The following R3HDM1 variants were observed in gnomAD, a reference collection of about 807,000 sequenced individuals.
The protein encoded by R3HDM1 is R3H domain-containing protein 1.
A neutral mutation model predicts 141.1 loss-of-function variants in R3HDM1; 46 were observed. The observed-to-expected ratio is 0.33, with a 90% CI of 0.26 to 0.42. R3HDM1 has a LOEUF of 0.42. Ranked by LOEUF, R3HDM1 falls within the 10% of genes least tolerant of loss-of-function variation. The probability of loss-of-function intolerance (pLI) is 1.00; values close to 1 mark genes in which losing one functional copy is unlikely to be tolerated. For synonymous variants in R3HDM1, 435 were observed against 472.9 expected, an observed-to-expected ratio of 0.92 and a Z score of 1.04; for missense variants, 1,184 against 1,368.3, an observed-to-expected ratio of 0.87 and a Z score of 2.12.
intron 2 of R3HDM1, among the ~76,000 whole-genome samples, chr2:135,603,190 A>G (rs961765449): frequency 1.1e-4 from 17 of 152,110 alleles, no homozygotes; most frequent in Non-Finnish European, 1.8e-4. Flanking sequence ...GGGTTTCGCC[A>G]TGTTGGCCAA....
At chr2:135,586,020 G>T (rs1212337276) in intron 1 of R3HDM1, among the ~76,000 whole-genome samples, 1 of 152,122 alleles carries the variant, frequency 6.6e-6, no homozygotes, top group Non-Finnish European at 1.5e-5. Flanking sequence ...ATTTAAAAAT[G>T]ATATATTAAC....
At position 135,638,943 on chromosome 2, in the gene R3HDM1, G is replaced by A. The variant is rs2063522411; in HGVS notation, c.1040G>A (p.Ser347Asn). 1.9e-6 allele frequency: 3 copies of A among 1,613,980 alleles called. No individual in the cohort carries two copies. Among genetic ancestry groups the A allele is most frequent in the African/African-American group, 2.7e-5 (2 of 74,896 alleles). ...AGATCTACAAATAGCCATCAAAGCA[G>A]CACTGAGAATGAGTTGAAGTACTCG... Reference protein sequence around the residue: ...SGRSTNSHQSSTENELKYSEP... With the variant: ...SGRSTNSHQSNTENELKYSEP... The change falls in exon 14 of 27, where the codon AGC becomes AAC. Residue 347 changes from serine to asparagine, a missense_variant. By Grantham distance (46) the Ser-to-Asn change is conservative (BLOSUM62 1). This residue lies in a region of R3HDM1 where 240 missense variants were observed against 312.3 expected (regional missense o/e 0.77). Coordinates refer to ENST00000683871, the MANE Select transcript of R3HDM1 (RefSeq NM_001378107.1).
At chr2:135,703,286 C>A (rs1362893061) in intron 21 of R3HDM1, among the ~76,000 whole-genome samples, 1 of 152,154 alleles carries the variant, frequency 6.6e-6, no homozygotes, top group East Asian at 1.9e-4. Flanking sequence ...GGGAAATAAT[C>A]CTCTTTGGGC....
chr2:135,570,100 C>G (rs1703773060), intron 1 of R3HDM1, among the ~76,000 whole-genome samples: 1 of 152,186 alleles, frequency 6.6e-6, no homozygotes, highest in Non-Finnish European at 1.5e-5. Context: ...TCGATTTCCT[C>G]AGCTGATGAT....
chr2:135,545,121 A>C (rs1235095683), intron 1 of R3HDM1, among the ~76,000 whole-genome samples: 2 of 152,218 alleles, frequency 1.3e-5, no homozygotes, highest in Non-Finnish European at 2.9e-5. Flanking sequence ...GTATTATTCC[A>C]ATGGTAATTT....
intron 21 of R3HDM1, among the ~76,000 whole-genome samples, chr2:135,693,454 G>A (rs2072753316): frequency 6.6e-6 from 1 of 152,142 alleles, no homozygotes; most frequent in Non-Finnish European, 1.5e-5. Flanking sequence ...AGATTTCAAA[G>A]ATTAATAGTC....
chr2:135,691,925 T>TA (rs1035723500), intron 21 of R3HDM1, among the ~76,000 whole-genome samples: 16 of 152,234 alleles, frequency 1.1e-4, no homozygotes, highest in Middle Eastern at 3.4e-3. Flanking sequence ...CTTTTTTTTT[T>TA]ATTTTGAGAT....
intron 24 of R3HDM1, among the ~76,000 whole-genome samples, chr2:135,718,013 A>G (rs1276930688): frequency 6.6e-6 from 1 of 152,234 alleles, no homozygotes; most frequent in Non-Finnish European, 1.5e-5. Context: ...ATAAAAGTGA[A>G]CAAAGCAAGC....
chr2:135,715,223 C>T (rs964597292), intron 23 of R3HDM1, among the ~76,000 whole-genome samples: 24 of 152,062 alleles, frequency 1.6e-4, no homozygotes, highest in African/African-American at 5.6e-4. Flanking sequence ...GTGGCGGGTG[C>T]CTGTAGTCCC....
At chr2:135,649,564 G>C (rs2064908406) in intron 16 of R3HDM1, among the ~76,000 whole-genome samples, 1 of 152,058 alleles carries the variant, frequency 6.6e-6, no homozygotes, top group South Asian at 2.1e-4. Context: ...AAGTAGTTTT[G>C]CTTTTACTGA....
Position 135,607,350 on chromosome 2 carries a change from A to AT in R3HDM1, c.171+2336dup, listed in dbSNP as rs201824725. The AT allele has an allele frequency of 1.4e-3, 1,375 of 983,640 alleles. 6 individuals carry two copies. The African/African-American group carries it at 0.015, about 11-fold the overall frequency. The allele number at this position is 983,640 out of a possible 1,614,324, so 60.9% of individuals were successfully genotyped here. A position where few individuals can be genotyped will look rare whatever the true frequency, so the allele number is the denominator to read the frequency against. On this transcript the variant is annotated intron_variant, in intron 3 of 26. Transcript: ENST00000683871. ...CAGTCAAAAACTGTCTTTTTTTCCTATTATGTACCAGACACCAGGTTAGAC... is the reference window on the plus strand; with the variant it reads ...CAGTCAAAAACTGTCTTTTTTTCCTATTTATGTACCAGACACCAGGTTAGAC...
At chr2:135,688,075 A>G (rs951437011) in intron 21 of R3HDM1, among the ~76,000 whole-genome samples, 5 of 152,318 alleles carry the variant, frequency 3.3e-5, no homozygotes, top group Admixed American at 2.6e-4. Context: ...GCACATTCCC[A>G]TCTGAGGTCA....
chr2:135,708,326 A>AGAGTTTC (rs1342013524), intron 21 of R3HDM1, among the ~76,000 whole-genome samples: 2 of 152,174 alleles, frequency 1.3e-5, no homozygotes, highest in African/African-American at 2.4e-5. Flanking sequence ...CATTTGTCTT[A>AGAGTTTC]GAGTTTCCCA....
In R3HDM1 at chr2:135,563,262, C is replaced by T. The variant is rs1374814620; in HGVS notation, c.-250+31629C>T. Among the ~76,000 whole-genome samples, 3 of 152,144 alleles carry T rather than the reference C, an allele frequency of 2.0e-5. No homozygotes were observed. In the East Asian group the frequency reaches 5.8e-4, roughly 29 times the overall value. Reference sequence around the variant, plus strand: ...AATATAATTTTTGCTTATGCACTGCCAAAGCAAACTTAAGAATTGCCTTTT... The same window carrying T: ...AATATAATTTTTGCTTATGCACTGCTAAAGCAAACTTAAGAATTGCCTTTT... On this transcript the variant is annotated intron_variant, in intron 1 of 26. Transcript: ENST00000683871.
chr2:135,615,444 G>A (rs2060935435), intron 3 of R3HDM1, among the ~76,000 whole-genome samples: 1 of 152,152 alleles, frequency 6.6e-6, no homozygotes, highest in African/African-American at 2.4e-5. Context: ...CTGGTTCACA[G>A]GTGCTTCAGC....
chr2:135,534,720 G>C (rs182593645), intron 1 of R3HDM1, among the ~76,000 whole-genome samples: 27 of 152,302 alleles, frequency 1.8e-4, no homozygotes, highest in African/African-American at 6.5e-4. Context: ...TCTCCAAAGA[G>C]GTCTTACATG....
Position 135,651,988 on chromosome 2 carries a change from C to T in R3HDM1, c.1984C>T (p.Pro662Ser), listed in dbSNP as rs1440207299. 1.2e-6 allele frequency: 2 copies of T among 1,610,026 alleles called. No individual in the cohort carries two copies. The highest frequency in any genetic ancestry group is 1.3e-5 in the African/African-American group (1 of 74,914). ...TGCCTCTGGTCATCCTGTCAGCCAG[C>T]CTGTGCTCCAGCAGCAGGGATATAT... is the stretch of plus-strand genomic sequence containing the variant. Reference protein sequence around the residue: ...YPASGHPVSQPVLQQQGYIQQ... With the variant: ...YPASGHPVSQSVLQQQGYIQQ... The change falls in exon 18 of 27, where the codon CCT (proline) becomes TCT (serine). Residue 662 changes from proline (P) to serine (S), a missense_variant. This residue lies in a region of R3HDM1 where 563 missense variants were observed against 562.0 expected (regional missense o/e 1.00). Transcript: ENST00000683871.
chr2:135,619,956 T>C (rs2061390680), intron 5 of R3HDM1, among the ~76,000 whole-genome samples: 1 of 152,172 alleles, frequency 6.6e-6, no homozygotes, highest in Non-Finnish European at 1.5e-5. Context: ...TCTGAAGATT[T>C]TGTGTATAAG....
chr2:135,617,075 G>C (rs1037077254), intron 5 of R3HDM1, among the ~76,000 whole-genome samples: 1 of 152,130 alleles, frequency 6.6e-6, no homozygotes, highest in East Asian at 1.9e-4. Flanking sequence ...TGTAATCCCA[G>C]CACTTTGGGA....
Sources: gnomAD v4.1 joint callset for allele counts (sites outside exome capture counted in the v4.1 genomes callset) on GRCh38, gnomAD v4.1.1 for gene constraint, gnomAD v4.1.1 regional missense constraint, MANE v1.5 for transcripts, NCBI Gene and HGNC (gene_info 2026-07-23, HGNC 2026-07-21) for gene names.